Variants in MEIKIN observed in about 807,000 individuals in gnomAD.
The protein encoded by MEIKIN is meiosis-specific kinetochore protein.
rs1049765412 is a variant in MEIKIN at position 131,921,915 on chromosome 5, GTTCT to G, written c.501_504del (p.Glu167AspfsTer17). 4 of 398,842 alleles carry G rather than the reference GTTCT, an allele frequency of 1.0e-5. No individual in the cohort carries two copies. Among genetic ancestry groups the G allele is most frequent in the Non-Finnish European group, 1.8e-5 (4 of 226,022 alleles). The allele number at this position is 398,842 out of a possible 1,614,324, so 24.7% of individuals were successfully genotyped here. A position where few individuals can be genotyped will look rare whatever the true frequency, so the allele number is the denominator to read the frequency against. On this transcript the variant is annotated frameshift_variant, in exon 6 of 13. Coordinates refer to ENST00000442687, the MANE Select transcript of MEIKIN (RefSeq NM_001303622.2). LOFTEE classifies it high-confidence loss of function. ...AGAGTAGAATTCTTCCACTGCATGT[GTTCT>G]TCCAAGTTGGGACACTCCCAGTCTA...
At chr5:131,839,147 G>C (rs1749861730) in intron 11 of MEIKIN, among the ~76,000 whole-genome samples, 1 of 152,146 alleles carries the variant, frequency 6.6e-6, no homozygotes, top group South Asian at 2.1e-4. Flanking sequence ...TCAATTCCAT[G>C]TAATTGTATG....
chr5:131,870,482 G>T (rs1750469073), intron 9 of MEIKIN, among the ~76,000 whole-genome samples: 1 of 151,892 alleles, frequency 6.6e-6, no homozygotes, highest in Admixed American at 6.6e-5. Flanking sequence ...CTATTTCCTA[G>T]GACATTTCGC....
At chr5:131,890,032 T>C (rs1467457965) in intron 8 of MEIKIN, among the ~76,000 whole-genome samples, 1 of 152,226 alleles carries the variant, frequency 6.6e-6, no homozygotes, top group African/African-American at 2.4e-5. Context: ...TTTCGTATGT[T>C]GAACCAGCCC....
rs867594075 is a variant in MEIKIN, at chr5:131,851,271, G to T, written c.968C>A (p.Ser323Ter). Residue 323 changes from serine (S) to a stop codon, truncating the protein, a stop_gained, in exon 11 of 13, where the codon TCA becomes TAA. Coordinates refer to ENST00000442687, the MANE Select transcript of MEIKIN (RefSeq NM_001303622.2). LOFTEE classifies it high-confidence loss of function. ...VPVSSLQENS[S>*]NEFPANASEI... Reference sequence around the variant, plus strand: ...AAAAATGGAAAATACTACCTCATTTGAAGAATTTTCCTGCAAACTTGACAC... The same window carrying T: ...AAAAATGGAAAATACTACCTCATTTTAAGAATTTTCCTGCAAACTTGACAC... 1 of 397,838 alleles carries T rather than the reference G, an allele frequency of 2.5e-6. No individual in the cohort carries two copies. Among genetic ancestry groups the T allele is most frequent in the African/African-American group, 2.1e-5 (1 of 48,570 alleles). 24.6% of individuals were successfully genotyped at this position (397,838 alleles called of 1,614,324 possible). A position where few individuals can be genotyped will look rare whatever the true frequency, so the allele number is the denominator to read the frequency against.
intron 5 of MEIKIN, among the ~76,000 whole-genome samples, chr5:131,924,997 G>A (rs1431468391): frequency 6.6e-6 from 1 of 152,104 alleles, no homozygotes; most frequent in Non-Finnish European, 1.5e-5. Context: ...TAATTTTTGT[G>A]TATGGGTGTC....
intron 8 of MEIKIN, among the ~76,000 whole-genome samples, chr5:131,890,183 AG>A (rs1334625326): frequency 6.6e-6 from 1 of 152,174 alleles, no homozygotes; most frequent in Non-Finnish European, 1.5e-5. Context: ...TGTCTCTGCC[AG>A]GCTTTGGTAT....
intron 11 of MEIKIN, among the ~76,000 whole-genome samples, chr5:131,833,994 C>A (rs1749757404): frequency 6.6e-6 from 1 of 152,174 alleles, no homozygotes; most frequent in Non-Finnish European, 1.5e-5. Flanking sequence ...TTCAGACACA[C>A]TCTACCTACC....
intron 4 of MEIKIN, among the ~76,000 whole-genome samples, chr5:131,939,103 C>T (rs1240273993): frequency 1.3e-5 from 2 of 152,220 alleles, no homozygotes; most frequent in African/African-American, 2.4e-5. Context: ...CCTTTCCTCC[C>T]CGGCCACTGC....
At chr5:131,814,612 G>GAAGAA (rs1255323307) in intron 12 of MEIKIN, among the ~76,000 whole-genome samples, 1 of 152,158 alleles carries the variant, frequency 6.6e-6, no homozygotes, top group Non-Finnish European at 1.5e-5. Flanking sequence ...AAAAAGAAAA[G>GAAGAA]AAGAAAAGAA....
chr5:131,928,496 T>C (rs1184066250), intron 5 of MEIKIN, among the ~76,000 whole-genome samples: 3 of 152,206 alleles, frequency 2.0e-5, no homozygotes, highest in Non-Finnish European at 4.4e-5. Flanking sequence ...GCTGATAACT[T>C]AATTTCAATT....
chr5:131,857,857 C>G (rs1216399267), intron 9 of MEIKIN, among the ~76,000 whole-genome samples: 5 of 152,154 alleles, frequency 3.3e-5, no homozygotes, highest in African/African-American at 1.2e-4. Context: ...GTGAGCACAC[C>G]CTGCCACCGC....
At chr5:131,942,212 T>A (rs932589929) in intron 4 of MEIKIN, among the ~76,000 whole-genome samples, 1 of 152,198 alleles carries the variant, frequency 6.6e-6, no homozygotes, top group Non-Finnish European at 1.5e-5. Flanking sequence ...ATCCTCCTAC[T>A]CTCTGTACTG....
At chr5:131,851,924 T>C (rs1481547352) in intron 10 of MEIKIN, among the ~76,000 whole-genome samples, 3 of 152,172 alleles carry the variant, frequency 2.0e-5, no homozygotes, top group African/African-American at 7.2e-5. Context: ...CTGGAACCAA[T>C]TCCCCATGAA....
chr5:131,854,644 A>G (rs1000684425), intron 10 of MEIKIN, 110 bp downstream of exon 10: 2 of 391,134 alleles, frequency 5.1e-6, no homozygotes, highest in Non-Finnish European at 9.0e-6. Context: ...ACAGAAAAAC[A>G]CAGATATTAT....
At position 131,944,763 on chromosome 5, in the gene MEIKIN, G is replaced by A. The variant is rs1561762645; in HGVS notation, c.201-11C>T. On this transcript the variant is annotated splice_polypyrimidine_tract_variant and intron_variant, in intron 2 of 12. Transcript: ENST00000442687. The stretch of plus-strand genomic sequence containing the variant: ...ACTCCTAAGCGAGGGCTAACAAAGA[G>A]ACAACGCAATTAGTTTGCACCATCT... 2.5e-6 allele frequency: 1 copy of A among 398,954 alleles called. No individual in the cohort carries two copies. The highest frequency in any genetic ancestry group is 4.4e-6 in the Non-Finnish European group (1 of 226,078). The allele number at this position is 398,954 out of a possible 1,614,324, so 24.7% of individuals were successfully genotyped here. A position where few individuals can be genotyped will look rare whatever the true frequency, so the allele number is the denominator to read the frequency against.
intron 11 of MEIKIN, among the ~76,000 whole-genome samples, chr5:131,820,471 C>T (rs1215068920): frequency 6.6e-6 from 1 of 152,134 alleles, no homozygotes; most frequent in Admixed American, 6.5e-5. Context: ...ATCAGAGATA[C>T]TGGTTTATAA....
chr5:131,944,497 A>G (rs1751927833), intron 3 of MEIKIN, 168 bp downstream of exon 3: 1 of 392,564 alleles, frequency 2.5e-6, no homozygotes, highest in East Asian at 3.6e-5. Flanking sequence ...TACCCAAGTC[A>G]GAAATTCAAG....
chr5:131,864,296 A>G (rs2149621012), intron 9 of MEIKIN, among the ~76,000 whole-genome samples: 1 of 152,134 alleles, frequency 6.6e-6, no homozygotes, highest in South Asian at 2.1e-4. Context: ...GAATCATTTG[A>G]GTCCTTTCTC....
rs747085339 is a variant in MEIKIN, at chr5:131,818,911, AT to A, written c.976-49del. On this transcript the variant is annotated intron_variant, in intron 11 of 12. Coordinates refer to ENST00000442687, the MANE Select transcript of MEIKIN (RefSeq NM_001303622.2). ...ATTGCATAATTCCTCCAAATACTACATTTGTATGTTGCTTTATTTCAAATGC... is the reference window on the plus strand; with the variant it reads ...ATTGCATAATTCCTCCAAATACTACATTGTATGTTGCTTTATTTCAAATGC... The A allele has an allele frequency of 4.0e-4, 158 of 394,442 alleles. 1 individual carries two copies. The highest frequency in any genetic ancestry group is 6.3e-4 in the Middle Eastern group (1 of 1,586). 24.4% of individuals were successfully genotyped at this position (394,442 alleles called of 1,614,324 possible). A position where few individuals can be genotyped will look rare whatever the true frequency, so the allele number is the denominator to read the frequency against.
Sources: allele counts gnomAD v4.1 joint callset (sites outside exome capture counted in the v4.1 genomes callset), GRCh38; gene constraint gnomAD v4.1.1; transcripts MANE v1.5; gene names NCBI Gene and HGNC (gene_info 2026-07-23, HGNC 2026-07-21).